Variants in AK5 observed in about 807,000 individuals in gnomAD.
AK5 encodes the protein adenylate kinase 5.
In AK5, 27 loss-of-function variants were observed where a neutral mutation model predicts 69.5. The observed-to-expected ratio is 0.39, with a 90% CI of 0.29 to 0.54. AK5 has a LOEUF of 0.54. AK5 is among the 20% of genes least tolerant of loss of function. The pLI is 0.71. For missense variants in AK5, 531 were observed against 700.4 expected (o/e 0.76, Z 2.73); for synonymous variants, 260 against 244.4 (o/e 1.06, Z -0.60).
rs550510877 is a variant in AK5 at position 77,383,953 on chromosome 1, G to T, written c.892-27028G>T. 5.9e-5 allele frequency among the ~76,000 whole-genome samples: 9 copies of T among 152,014 alleles called. No homozygotes were observed. In the South Asian group the frequency reaches 1.9e-3, roughly 32 times the overall value. On this transcript the variant is annotated intron_variant, in intron 6 of 13. Coordinates refer to ENST00000354567, the MANE Select transcript of AK5 (RefSeq NM_174858.3). ...CTTCACTATTGAGCAAATAGAAAAA[G>T]GGTGGATGAATTTCATTATTAAAAG... is the stretch of plus-strand genomic sequence containing the variant.
intron 10 of AK5, among the ~76,000 whole-genome samples, chr1:77,489,258 A>C (rs1022161034): frequency 1.3e-5 from 2 of 152,352 alleles, no homozygotes; most frequent in Non-Finnish European, 2.9e-5. Context: ...TGCACTGAGC[A>C]AAAGATTTTT....
At chr1:77,350,238 A>T (rs1570423077) in intron 6 of AK5, among the ~76,000 whole-genome samples, 1 of 152,352 alleles carries the variant, frequency 6.6e-6, no homozygotes. Flanking sequence ...AATAAAGGGC[A>T]GGGAGTGACT....
intron 5 of AK5, among the ~76,000 whole-genome samples, chr1:77,317,509 T>C (rs187889967): frequency 6.6e-6 from 1 of 152,260 alleles, no homozygotes; most frequent in East Asian, 1.9e-4. Context: ...AAATAATAAA[T>C]ACCTGCCCAT....
intron 13 of AK5, among the ~76,000 whole-genome samples, chr1:77,545,312 G>GACAC (rs550722343): frequency 1.5e-3 from 229 of 151,490 alleles, no homozygotes; most frequent in African/African-American, 5.3e-3. Flanking sequence ...TTTTACTACA[G>GACAC]ACACACACAC....
intron 8 of AK5, among the ~76,000 whole-genome samples, chr1:77,427,180 A>G (rs913114396): frequency 9.9e-5 from 15 of 152,040 alleles, no homozygotes; most frequent in African/African-American, 3.6e-4. Flanking sequence ...AATTATAAAT[A>G]GGAAATCAAA....
rs768627922 is a variant in AK5 at position 77,293,861 on chromosome 1, A to G, written c.316A>G (p.Ile106Val). 1.9e-6 allele frequency: 3 copies of G among 1,613,722 alleles called. No homozygotes were observed. Among genetic ancestry groups the G allele is most frequent in the Admixed American group, 3.3e-5 (2 of 59,926 alleles). ...GCTCCCTCCAATCCATCAATTCTCCATAGAAAGTGACACGGATCTCTCTGA... is the reference window on the plus strand; with the variant it reads ...GCTCCCTCCAATCCATCAATTCTCCGTAGAAAGTGACACGGATCTCTCTGA... ...DRLPPIHQFS[I>V]ESDTDLSETA... The change falls in exon 3 of 14, where the codon ATA becomes GTA. Residue 106 changes from isoleucine to valine, a missense_variant. Physicochemically the swap from Ile to Val is conservative, Grantham distance 29 (BLOSUM62 3). Coordinates refer to ENST00000354567, the MANE Select transcript of AK5 (RefSeq NM_174858.3).
intron 12 of AK5, among the ~76,000 whole-genome samples, chr1:77,523,231 T>A (rs1658095515): frequency 6.6e-6 from 1 of 152,204 alleles, no homozygotes; most frequent in African/African-American, 2.4e-5. Flanking sequence ...AAAGAAAACA[T>A]GTCTAGGTCT....
In AK5 at chr1:77,559,364, C is replaced by CATT. The variant is rs201307752; in HGVS notation, c.*696_*697insTAT. On this transcript the variant is annotated 3_prime_UTR_variant, in exon 14 of 14. Coordinates refer to ENST00000354567, the MANE Select transcript of AK5 (RefSeq NM_174858.3). The stretch of plus-strand genomic sequence containing the variant: ...TTTTAGAAACTTGGAATACTGTCGT[C>CATT]ATGGCTAAGAGAACAAATCTGATAA... 9 of 151,680 alleles carry CATT rather than the reference C, an allele frequency of 5.9e-5. No individual in the cohort carries two copies. Among genetic ancestry groups the CATT allele is most frequent in the African/African-American group, 2.2e-4 (9 of 41,344 alleles). The allele number at this position is 151,680 out of a possible 1,614,324, so 9.4% of individuals were successfully genotyped here. A position where few individuals can be genotyped will look rare whatever the true frequency, so the allele number is the denominator to read the frequency against.
At chr1:77,339,813 G>A (rs1236985817) in intron 5 of AK5, among the ~76,000 whole-genome samples, 2 of 151,676 alleles carry the variant, frequency 1.3e-5, no homozygotes, top group African/African-American at 2.4e-5. Flanking sequence ...CTGTAGAGAC[G>A]GTTTCACCAT....
chr1:77,298,110 C>A, intron 5 of AK5, 163 bp downstream of exon 5: 1 of 424,594 alleles, frequency 2.4e-6, no homozygotes, highest in Non-Finnish European at 4.1e-6. Context: ...ATTTCTTTGG[C>A]AAACACTTAA....
At chr1:77,363,241 G>C (rs887504604) in intron 6 of AK5, among the ~76,000 whole-genome samples, 4 of 152,158 alleles carry the variant, frequency 2.6e-5, no homozygotes, top group African/African-American at 9.7e-5. Flanking sequence ...TTCTATAGGA[G>C]TCTGAGCCAA....
intron 8 of AK5, among the ~76,000 whole-genome samples, chr1:77,463,727 C>T (rs1653977773): frequency 6.6e-6 from 1 of 152,062 alleles, no homozygotes; most frequent in Non-Finnish European, 1.5e-5. Flanking sequence ...CTATTTTTCC[C>T]TTATTATAGG....
At chr1:77,337,871 T>G (rs1469876639) in intron 5 of AK5, among the ~76,000 whole-genome samples, 3 of 152,152 alleles carry the variant, frequency 2.0e-5, no homozygotes, top group Non-Finnish European at 4.4e-5. Context: ...GATTCTACAA[T>G]CCATGCTCCT....
chr1:77,413,243 C>G (rs1442878675), intron 7 of AK5, among the ~76,000 whole-genome samples: 1 of 152,124 alleles, frequency 6.6e-6, no homozygotes, highest in East Asian at 1.9e-4. Flanking sequence ...GCATTTTCCA[C>G]CTGCTCTTCT....
At chr1:77,368,245 A>ATATATATATATATATATGTTATATATGT (rs376578923) in intron 6 of AK5, among the ~76,000 whole-genome samples, 8 of 67,906 alleles carry the variant, frequency 1.2e-4, no homozygotes, top group East Asian at 7.8e-4. Flanking sequence ...ATATATATAT[A>ATATATATATATATATATGTTATATATGT]TATATATAAT....
intron 6 of AK5, among the ~76,000 whole-genome samples, chr1:77,367,615 A>ATATGTTATATAGATGTTATATATATGT: frequency 1.1e-5 from 1 of 91,246 alleles, no homozygotes; most frequent in African/African-American, 5.1e-5. Context: ...TATGTAATAT[A>ATATGTTATATAGATGTTATATATATGT]TATGTTATAT....
intron 6 of AK5, among the ~76,000 whole-genome samples, chr1:77,388,982 G>A (rs1410511343): frequency 6.6e-6 from 1 of 152,170 alleles, no homozygotes. Flanking sequence ...AGCTAGCTCC[G>A]AAATGAGAAC....
chr1:77,393,436 C>A (rs199854868), intron 6 of AK5, among the ~76,000 whole-genome samples: 1 of 151,998 alleles, frequency 6.6e-6, no homozygotes. Flanking sequence ...TGTGGCTTTT[C>A]TTTTATCATT....
At chr1:77,417,263 G>A (rs1401288174) in intron 7 of AK5, among the ~76,000 whole-genome samples, 4 of 151,840 alleles carry the variant, frequency 2.6e-5, no homozygotes, top group Non-Finnish European at 4.4e-5. Context: ...CCCCCTCCTG[G>A]ACAACCTGTA....
Sources: gnomAD v4.1 joint callset for allele counts (sites outside exome capture counted in the v4.1 genomes callset) on GRCh38, gnomAD v4.1.1 for gene constraint, MANE v1.5 for transcripts, NCBI Gene and HGNC (gene_info 2026-07-23, HGNC 2026-07-21) for gene names.